Variants in PPP3CA observed in about 807,000 individuals in gnomAD.
PPP3CA encodes the protein protein phosphatase 3 catalytic subunit alpha, also known as CAM-PRP catalytic subunit.
A neutral mutation model predicts 66.5 loss-of-function variants in PPP3CA; 14 were observed. That is an observed-to-expected ratio of 0.21 (90% CI 0.14 to 0.33). The LOEUF (loss-of-function observed/expected upper bound fraction) is 0.33, where lower values mean the gene tolerates loss of function less well. PPP3CA is among the 10% of genes least tolerant of loss of function. The pLI is 1.00. For missense variants in PPP3CA, 317 were observed against 639.5 expected, an observed-to-expected ratio of 0.50 and a Z score of 5.44; for synonymous variants, 232 against 226.2, an observed-to-expected ratio of 1.03 and a Z score of -0.23.
Position 101,080,575 on chromosome 4 carries a change from T to C in PPP3CA, c.912A>G (p.Thr304=), listed in dbSNP as rs1231565947. The C allele has an allele frequency of 6.5e-7, 1 of 1,535,932 alleles. No homozygotes were observed. Among genetic ancestry groups the C allele is most frequent in the Non-Finnish European group, 8.8e-7 (1 of 1,129,998 alleles). ...SQTTGFPSLI[T]IFSAPNYLDV... Reference sequence around the variant, plus strand: ...CTAAGTAATTTGGTGCTGAAAAAATTGTAATTAGAGAAGGGAAGCCTGTTG... The same window carrying C: ...CTAAGTAATTTGGTGCTGAAAAAATCGTAATTAGAGAAGGGAAGCCTGTTG... Residue 304 remains threonine, a synonymous_variant, in exon 8 of 14, where the codon ACA becomes ACG. Transcript: ENST00000394854.
intron 1 of PPP3CA, among the ~76,000 whole-genome samples, chr4:101,207,388 T>G (rs1427325570): frequency 6.6e-6 from 1 of 152,186 alleles, no homozygotes; most frequent in Non-Finnish European, 1.5e-5. Context: ...TCTCAGCAAC[T>G]CAAGAGTCAG....
chr4:101,176,342 G>A (rs1396506086), intron 2 of PPP3CA, among the ~76,000 whole-genome samples: 2 of 152,248 alleles, frequency 1.3e-5, no homozygotes, highest in Admixed American at 6.5e-5. Context: ...CAACAATAAC[G>A]TGCTGCAGAA....
intron 2 of PPP3CA, among the ~76,000 whole-genome samples, chr4:101,130,518 A>T (rs2110282085): frequency 6.6e-6 from 1 of 152,354 alleles, no homozygotes; most frequent in East Asian, 1.9e-4. Flanking sequence ...TGGGTTACCC[A>T]CAAATGGAAG....
At chr4:101,205,913 A>G (rs557550201) in intron 1 of PPP3CA, among the ~76,000 whole-genome samples, 1 of 152,338 alleles carries the variant, frequency 6.6e-6, no homozygotes, top group South Asian at 2.1e-4. Context: ...TGAAGCAAAG[A>G]TTGAAATATT....
At chr4:101,176,690 T>C (rs1368130702) in intron 2 of PPP3CA, among the ~76,000 whole-genome samples, 2 of 152,104 alleles carry the variant, frequency 1.3e-5, no homozygotes, top group Non-Finnish European at 2.9e-5. Flanking sequence ...ATGGGGCAAA[T>C]GACTAACCCT....
chr4:101,194,046 C>T (rs537613124), intron 2 of PPP3CA, among the ~76,000 whole-genome samples: 81 of 152,052 alleles, frequency 5.3e-4, no homozygotes, highest in Non-Finnish European at 9.0e-4. Flanking sequence ...TTCTGAATTC[C>T]ACAAAAGAAG....
intron 10 of PPP3CA, among the ~76,000 whole-genome samples, chr4:101,053,724 T>C (rs567194557): frequency 6.6e-6 from 1 of 152,206 alleles, no homozygotes; most frequent in African/African-American, 2.4e-5. Flanking sequence ...TAAATGTTAT[T>C]ATCCCTCCTA....
chr4:101,317,894 T>C (rs1431728782), intron 1 of PPP3CA, among the ~76,000 whole-genome samples: 2 of 152,218 alleles, frequency 1.3e-5, no homozygotes, highest in Non-Finnish European at 2.9e-5. Context: ...TCCCTTCTTC[T>C]GTAAACTGGA....
intron 2 of PPP3CA, among the ~76,000 whole-genome samples, chr4:101,128,817 C>A (rs936902613): frequency 1.3e-5 from 2 of 152,102 alleles, no homozygotes; most frequent in East Asian, 3.9e-4. Flanking sequence ...CAAAACTGGG[C>A]GGCTGTTTGG....
At chr4:101,047,892 CTT>C (rs1727837327) in intron 10 of PPP3CA, among the ~76,000 whole-genome samples, 1 of 151,934 alleles carries the variant, frequency 6.6e-6, no homozygotes, top group Non-Finnish European at 1.5e-5. Context: ...ATTATCAACT[CTT>C]TAGTTCCTAA....
chr4:101,171,312 G>A, intron 2 of PPP3CA: 1 of 409,314 alleles, frequency 2.4e-6, no homozygotes, highest in Non-Finnish European at 4.8e-6. Flanking sequence ...AAGCTCCATA[G>A]TTGGTTCTGA....
At chr4:101,043,558 A>G (rs77380331) in intron 10 of PPP3CA, among the ~76,000 whole-genome samples, 1 of 121,822 alleles carries the variant, frequency 8.2e-6, no homozygotes, top group Non-Finnish European at 1.7e-5. Context: ...TTTCTTAATT[A>G]AAAAAAAAAA....
chr4:101,251,981 A>G (rs1172343720), intron 1 of PPP3CA, among the ~76,000 whole-genome samples: 1 of 152,174 alleles, frequency 6.6e-6, no homozygotes, highest in African/African-American at 2.4e-5. Context: ...TCCCCCTGCA[A>G]GAGAGGATTT....
In PPP3CA at chr4:101,101,060, T is replaced by C. The variant is rs561937641; in HGVS notation, c.385-1338A>G. Among the ~76,000 whole-genome samples the C allele has an allele frequency of 4.6e-5, 7 of 152,266 alleles. No individual in the cohort carries two copies. In the East Asian group the frequency reaches 9.6e-4, roughly 21 times the overall value. On this transcript the variant is annotated intron_variant, in intron 3 of 13. Coordinates refer to ENST00000394854, the MANE Select transcript of PPP3CA (RefSeq NM_000944.5). ...AGATATTATCTCTAGGTAATTATGA[T>C]TGAAATAAACAATAGGTTGACATTA...
rs142631546 is a variant in PPP3CA at position 101,164,167 on chromosome 4, C to T, written c.259+31749G>A. On this transcript the variant is annotated intron_variant, in intron 2 of 13. Transcript: ENST00000394854. ...TTCAAGTCTGCTCAAATCTCCTCTC[C>T]TTCTCAATGAGGCCTATTCTGACCA... Among the ~76,000 whole-genome samples the T allele has an allele frequency of 9.4e-4, 70 of 74,456 alleles. No individual in the cohort carries two copies. The East Asian group carries it at 0.013, about 14-fold the overall frequency. The allele number at this position is 74,456 out of a possible 152,430, so 48.8% of individuals were successfully genotyped here.
chr4:101,137,041 A>G (rs1223617032), intron 2 of PPP3CA, among the ~76,000 whole-genome samples: 1 of 152,182 alleles, frequency 6.6e-6, no homozygotes, highest in East Asian at 1.9e-4. Context: ...CAAATTTCAT[A>G]GTAGCTAAAA....
chr4:101,037,814 A>C lies in PPP3CA; in HGVS notation c.1241+2668T>G, dbSNP rs541765534. 1.2e-3 allele frequency among the ~76,000 whole-genome samples: 190 copies of C among 152,234 alleles called. 1 individual carries two copies. The highest frequency in any genetic ancestry group is 2.3e-3 in the Non-Finnish European group (157 of 68,014). ...CACTCAAGGATATGGACTTCAGTATATTTTCAGTCTCCTTTTAAACTAGAT... is the reference window on the plus strand; with the variant it reads ...CACTCAAGGATATGGACTTCAGTATCTTTTCAGTCTCCTTTTAAACTAGAT... On this transcript the variant is annotated intron_variant, in intron 11 of 13. Coordinates refer to ENST00000394854, the MANE Select transcript of PPP3CA (RefSeq NM_000944.5).
chr4:101,169,397 T>C (rs1310895488), intron 2 of PPP3CA, among the ~76,000 whole-genome samples: 1 of 152,174 alleles, frequency 6.6e-6, no homozygotes, highest in Non-Finnish European at 1.5e-5. Flanking sequence ...GGCTATGTCC[T>C]ACAGTACTCC....
At chr4:101,107,739 C>T (rs1056246546) in intron 3 of PPP3CA, among the ~76,000 whole-genome samples, 1 of 152,160 alleles carries the variant, frequency 6.6e-6, no homozygotes, top group Non-Finnish European at 1.5e-5. Context: ...ACATGCTTTT[C>T]AACCTTAAAT....
Sources: allele counts gnomAD v4.1 joint callset (sites outside exome capture counted in the v4.1 genomes callset), GRCh38; gene constraint gnomAD v4.1.1; transcripts MANE v1.5; gene names NCBI Gene and HGNC (gene_info 2026-07-23, HGNC 2026-07-21).